Variants in ARID4B observed in about 807,000 individuals in gnomAD.
ARID4B encodes AT-rich interaction domain 4B, also known as AT-rich interactive domain-containing protein 4B.
A neutral mutation model predicts 147.5 loss-of-function variants in ARID4B; 26 were observed. The observed-to-expected ratio is 0.18, with a 90% CI of 0.13 to 0.24. The LOEUF (loss-of-function observed/expected upper bound fraction) is 0.24. Among genes scored for constraint, ARID4B ranks in the 10% least tolerant of loss-of-function variants. ARID4B has a pLI of 1.00. For synonymous variants in ARID4B, 512 were observed against 507.9 expected (o/e 1.01, Z -0.11); for missense variants, 1,179 against 1,511.5 (o/e 0.78, Z 3.65).
At chr1:235,297,597 T>C (rs1672832861) in intron 2 of ARID4B, among the ~76,000 whole-genome samples, 1 of 152,172 alleles carries the variant, frequency 6.6e-6, no homozygotes, top group Non-Finnish European at 1.5e-5. Flanking sequence ...TTATAAAGGA[T>C]AGATCAAGCC....
At chr1:235,237,553 A>G (rs1668685577) in intron 8 of ARID4B, among the ~76,000 whole-genome samples, 1 of 152,210 alleles carries the variant, frequency 6.6e-6, no homozygotes, top group Non-Finnish European at 1.5e-5. Context: ...GGAGATAAAG[A>G]AATAAGACAT....
chr1:235,282,176 A>G (rs1354327145), intron 2 of ARID4B, among the ~76,000 whole-genome samples: 1 of 152,238 alleles, frequency 6.6e-6, no homozygotes, highest in Non-Finnish European at 1.5e-5. Context: ...TTAACCTAGT[A>G]TCACTTGCTC....
chr1:235,291,561 G>A (rs1672339631), intron 2 of ARID4B, among the ~76,000 whole-genome samples: 1 of 151,896 alleles, frequency 6.6e-6, no homozygotes, highest in African/African-American at 2.4e-5. Flanking sequence ...AAGGCTAGGC[G>A]TGGTGGCTCA....
chr1:235,262,246 A>C (rs989426975), intron 2 of ARID4B, among the ~76,000 whole-genome samples: 2 of 152,274 alleles, frequency 1.3e-5, no homozygotes, highest in African/African-American at 2.4e-5. Context: ...GAAAAAGGGA[A>C]AAAAACAATA....
chr1:235,248,903 T>C (rs930374739), intron 6 of ARID4B, among the ~76,000 whole-genome samples: 4 of 152,184 alleles, frequency 2.6e-5, no homozygotes, highest in Non-Finnish European at 5.9e-5. Context: ...TAAAGGCACA[T>C]AGAAAACTCC....
At chr1:235,308,571 C>T (rs145987261) in intron 2 of ARID4B, among the ~76,000 whole-genome samples, 19,895 of 151,838 alleles carry the variant, frequency 0.13, 1,513 homozygotes, top group African/African-American at 0.2. Context: ...CTGCAACCTC[C>T]CTGCCTGATT....
intron 2 of ARID4B, among the ~76,000 whole-genome samples, chr1:235,279,131 C>A (rs1164288447): frequency 1.3e-5 from 2 of 152,132 alleles, no homozygotes; most frequent in African/African-American, 4.8e-5. Flanking sequence ...TCCAGACATT[C>A]CGAATTAGAA....
At chr1:235,307,720 C>T (rs1673681702) in intron 2 of ARID4B, among the ~76,000 whole-genome samples, 1 of 152,190 alleles carries the variant, frequency 6.6e-6, no homozygotes, top group South Asian at 2.1e-4. Flanking sequence ...CACAGTGTTT[C>T]AACGCAAAAT....
intron 2 of ARID4B, among the ~76,000 whole-genome samples, chr1:235,309,614 C>A (rs1258231090): frequency 6.6e-6 from 1 of 151,462 alleles, no homozygotes; most frequent in Admixed American, 6.6e-5. Flanking sequence ...CTCTGCCCGG[C>A]CACCCCTACT....
intron 2 of ARID4B, among the ~76,000 whole-genome samples, chr1:235,301,359 G>A (rs1673125671): frequency 6.6e-6 from 1 of 151,534 alleles, no homozygotes; most frequent in South Asian, 2.1e-4. Flanking sequence ...GCAACATGGT[G>A]AAACCTTGTC....
chr1:235,294,756 C>T (rs1672576014), intron 2 of ARID4B, among the ~76,000 whole-genome samples: 1 of 151,278 alleles, frequency 6.6e-6, no homozygotes, highest in Non-Finnish European at 1.5e-5. Context: ...TCAAGTTATC[C>T]GCCCGCCTCA....
chr1:235,246,813 A>G (rs1669329040), intron 6 of ARID4B, among the ~76,000 whole-genome samples: 1 of 152,182 alleles, frequency 6.6e-6, no homozygotes, highest in South Asian at 2.1e-4. Context: ...AAACAAACAC[A>G]GCTCAGTGGA....
chr1:235,185,941 T>C (rs1313173498), intron 19 of ARID4B, among the ~76,000 whole-genome samples: 12 of 151,868 alleles, frequency 7.9e-5, no homozygotes, highest in African/African-American at 2.9e-4. Context: ...AAGATTTGTG[T>C]CTGTCAGTTC....
chr1:235,272,087 C>A (rs1234074139), intron 2 of ARID4B, among the ~76,000 whole-genome samples: 2 of 152,152 alleles, frequency 1.3e-5, no homozygotes, highest in African/African-American at 4.8e-5. Context: ...GAAAACCTAT[C>A]AATTACTTGT....
At chr1:235,305,333 TC>T (rs879787798) in intron 2 of ARID4B, among the ~76,000 whole-genome samples, 7 of 152,158 alleles carry the variant, frequency 4.6e-5, no homozygotes, top group Non-Finnish European at 7.3e-5. Context: ...ACCTCTGACT[TC>T]CGGATTTGTT....
chr1:235,308,431 CA>C (rs1217827161), intron 2 of ARID4B, among the ~76,000 whole-genome samples: 21 of 151,110 alleles, frequency 1.4e-4, no homozygotes, highest in Admixed American at 6.6e-5. Flanking sequence ...TTTTAAGAAA[CA>C]GGGGCTCCCC....
chr1:235,217,632 G>A (rs1023330586), intron 16 of ARID4B, among the ~76,000 whole-genome samples: 21 of 152,126 alleles, frequency 1.4e-4, no homozygotes, highest in African/African-American at 4.1e-4. Flanking sequence ...TATTAAGTAC[G>A]TGCTATGGCC....
chr1:235,213,539 C>T (rs1053739521), intron 17 of ARID4B, among the ~76,000 whole-genome samples: 5 of 152,120 alleles, frequency 3.3e-5, no homozygotes, highest in African/African-American at 1.2e-4. Context: ...ACATAAAAAT[C>T]AAGTGTGTAG....
chr1:235,226,257 C>T (rs1039967225), intron 11 of ARID4B, among the ~76,000 whole-genome samples: 3 of 152,168 alleles, frequency 2.0e-5, no homozygotes, highest in African/African-American at 7.2e-5. Context: ...ACGAGTAAGA[C>T]AGCATTCCTA....
Sources: allele counts gnomAD v4.1 joint callset (sites outside exome capture counted in the v4.1 genomes callset), GRCh38; gene constraint gnomAD v4.1.1; transcripts MANE v1.5; gene names NCBI Gene and HGNC (gene_info 2026-07-23, HGNC 2026-07-21).